Variants in PNPLA1 observed in about 807,000 individuals in gnomAD.
PNPLA1 encodes the protein omega-hydroxyceramide transacylase.
A neutral mutation model predicts 51.7 loss-of-function variants in PNPLA1; 36 were observed. The observed-to-expected ratio is 0.70, with a 90% CI of 0.53 to 0.92. PNPLA1 has a LOEUF of 0.92. Among genes scored for constraint, PNPLA1 ranks in the 40% least tolerant of loss-of-function variants. The pLI is 0.00. For missense variants in PNPLA1, 658 were observed against 682.5 expected (o/e 0.96, Z 0.40); for synonymous variants, 293 against 280.1 (o/e 1.05, Z -0.46).
intron 6 of PNPLA1, 92 bp downstream of exon 6, chr6:36,302,561 G>A (rs1771097110): frequency 2.0e-6 from 3 of 1,475,900 alleles, no homozygotes; most frequent in Non-Finnish European, 2.7e-6. Flanking sequence ...CGCTTCTTTA[G>A]GGGTGCGTGG....
At chr6:36,254,199 T>G (rs1232893392) in intron 1 of PNPLA1, among the ~76,000 whole-genome samples, 2 of 152,242 alleles carry the variant, frequency 1.3e-5, no homozygotes, top group African/African-American at 4.8e-5. Context: ...AACTAATTGC[T>G]TCTGTTCTTT....
In PNPLA1 at chr6:36,295,390, G is replaced by T. The variant is rs1204083015; in HGVS notation, c.741G>T (p.Gly247=). 1.2e-6 allele frequency: 2 copies of T among 1,614,200 alleles called. No homozygotes were observed. Among genetic ancestry groups the T allele is most frequent in the Admixed American group, 3.3e-5 (2 of 60,020 alleles). The change falls in exon 5 of 9, where the codon GGG becomes GGT. Residue 247 remains glycine (G), a synonymous_variant. Coordinates refer to ENST00000636260, the MANE Select transcript of PNPLA1 (RefSeq NM_001374623.1). ...LVILHDYYYR[G]YEDAVLYLRR... is the part of the protein sequence containing the mutation. ...TCCTGCACGATTACTACTACCGAGG[G>T]TACGAGGATGCAGTTTTGTACTTGA... is the stretch of plus-strand genomic sequence containing the variant.
chr6:36,291,246 A>G, intron 1 of PNPLA1, 74 bp from the exon 2 acceptor site: 1 of 1,201,916 alleles, frequency 8.3e-7, no homozygotes, highest in Non-Finnish European at 1.2e-6. Context: ...AGTTGGAGAA[A>G]CCACCCTAGA....
At chr6:36,263,631 A>C (rs1040665229) in intron 1 of PNPLA1, among the ~76,000 whole-genome samples, 4 of 152,074 alleles carry the variant, frequency 2.6e-5, no homozygotes, top group Non-Finnish European at 5.9e-5. Flanking sequence ...AGTTGCAGAA[A>C]TGCCCATTGT....
intron 6 of PNPLA1, among the ~76,000 whole-genome samples, chr6:36,305,487 A>T (rs1243441931): frequency 6.6e-6 from 1 of 152,162 alleles, no homozygotes; most frequent in Non-Finnish European, 1.5e-5. Context: ...ACCCACATAT[A>T]CTTTATATTA....
At chr6:36,262,195 C>G (rs1052867133) in intron 1 of PNPLA1, among the ~76,000 whole-genome samples, 2 of 152,142 alleles carry the variant, frequency 1.3e-5, no homozygotes, top group Non-Finnish European at 2.9e-5. Flanking sequence ...TCCTCTGGCT[C>G]AGACCTGTCC....
chr6:36,253,797 C>G (rs1450555309), intron 1 of PNPLA1, among the ~76,000 whole-genome samples: 6 of 152,174 alleles, frequency 3.9e-5, no homozygotes, highest in African/African-American at 1.4e-4. Flanking sequence ...CGATAAATAG[C>G]AAATTACCTT....
intron 8 of PNPLA1, 99 bp downstream of exon 8, chr6:36,307,811 AG>A: frequency 4.9e-6 from 7 of 1,440,906 alleles, no homozygotes; most frequent in Non-Finnish European, 6.5e-6. Flanking sequence ...GTAAGGGAGT[AG>A]GGGGTGCAGT....
chr6:36,271,057 G>A (rs1769902596), intron 1 of PNPLA1, among the ~76,000 whole-genome samples: 1 of 152,188 alleles, frequency 6.6e-6, no homozygotes, highest in African/African-American at 2.4e-5. Flanking sequence ...CTTTCAAAAT[G>A]CAAATACCCT....
intron 5 of PNPLA1, among the ~76,000 whole-genome samples, chr6:36,297,208 T>C (rs77974697): frequency 0.013 from 2,017 of 152,210 alleles, 23 homozygotes; most frequent in South Asian, 0.024. Context: ...AAAGGAGAAA[T>C]GGTCTCGTGC....
intron 1 of PNPLA1, among the ~76,000 whole-genome samples, chr6:36,278,080 C>T (rs1770167706): frequency 1.3e-5 from 2 of 152,200 alleles, no homozygotes; most frequent in Non-Finnish European, 2.9e-5. Context: ...CTCCAGACAC[C>T]ATCCCATTTT....
chr6:36,273,724 A>G (rs1489243047), intron 1 of PNPLA1, among the ~76,000 whole-genome samples: 2 of 100,886 alleles, frequency 2.0e-5, no homozygotes, highest in African/African-American at 7.9e-5. Flanking sequence ...GGAAGACCCC[A>G]TCGCAAAAAA....
intron 5 of PNPLA1, among the ~76,000 whole-genome samples, chr6:36,295,852 A>G (rs1770842925): frequency 6.6e-6 from 1 of 152,198 alleles, no homozygotes; most frequent in Non-Finnish European, 1.5e-5. Flanking sequence ...TAAGACTTTG[A>G]GTGACCTATT....
At chr6:36,269,994 G>C (rs185534682), upstream of PNPLA1, among the ~76,000 whole-genome samples, 39 of 152,330 alleles carry the variant, frequency 2.6e-4, no homozygotes, top group Non-Finnish European at 5.1e-4. Flanking sequence ...GGTGTACACC[G>C]ATAACCATCA....
At chr6:36,273,216 G>A (rs143707490) in intron 1 of PNPLA1, among the ~76,000 whole-genome samples, 227 of 151,104 alleles carry the variant, frequency 1.5e-3, no homozygotes, top group African/African-American at 5.4e-3. Context: ...CTCCAGCCTG[G>A]GTAACAAAGC....
chr6:36,268,155 C>T (rs1202997359), upstream of PNPLA1, among the ~76,000 whole-genome samples: 1 of 152,180 alleles, frequency 6.6e-6, no homozygotes, highest in African/African-American at 2.4e-5. Context: ...AGCTCCTCCT[C>T]ATGTCGCATG....
At chr6:36,287,420 T>C (rs1348745550) in intron 1 of PNPLA1, among the ~76,000 whole-genome samples, 1 of 152,086 alleles carries the variant, frequency 6.6e-6, no homozygotes, top group Non-Finnish European at 1.5e-5. Flanking sequence ...CAACCTTGAG[T>C]ACCCTGATCA....
At chr6:36,286,946 A>C (rs1770510931) in intron 1 of PNPLA1, among the ~76,000 whole-genome samples, 1 of 151,606 alleles carries the variant, frequency 6.6e-6, no homozygotes. Context: ...TCAGCCTCCC[A>C]ATGTGCTGGG....
At chr6:36,276,532 C>T (rs1262701992) in intron 1 of PNPLA1, among the ~76,000 whole-genome samples, 1 of 152,196 alleles carries the variant, frequency 6.6e-6, no homozygotes, top group Non-Finnish European at 1.5e-5. Flanking sequence ...GTGATTGCCA[C>T]TGGGGGATCC....
Sources: gnomAD v4.1 joint callset for allele counts (sites outside exome capture counted in the v4.1 genomes callset) on GRCh38, gnomAD v4.1.1 for gene constraint, MANE v1.5 for transcripts, NCBI Gene and HGNC (gene_info 2026-07-23, HGNC 2026-07-21) for gene names.